Variants in FAM222B observed in about 807,000 individuals in gnomAD.
FAM222B encodes the protein family with sequence similarity 222 member B.
FAM222B carries 12 observed loss-of-function variants against 38.0 expected under a neutral mutation model. The ratio of observed to expected loss-of-function variants is 0.32; its 90% CI spans 0.20 to 0.51. The LOEUF is 0.51. Ranked by LOEUF, FAM222B falls within the 20% of genes least tolerant of loss-of-function variation. The probability of loss-of-function intolerance (pLI) is 0.97; values close to 1 mark genes in which losing one functional copy is unlikely to be tolerated. For synonymous variants in FAM222B, 329 were observed against 317.2 expected (o/e 1.04, Z -0.40); for missense variants, 716 against 754.2 (o/e 0.95, Z 0.59).
intron 1 of FAM222B, among the ~76,000 whole-genome samples, chr17:28,768,836 C>CAAAAA (rs71359249): frequency 5.6e-5 from 4 of 70,870 alleles, no homozygotes; most frequent in East Asian, 4.4e-4. Flanking sequence ...AACTCTGTCT[C>CAAAAA]AAAAAAAAAA....
chr17:28,768,394 A>G (rs1188040141), intron 1 of FAM222B, among the ~76,000 whole-genome samples: 1 of 152,216 alleles, frequency 6.6e-6, no homozygotes, highest in East Asian at 1.9e-4. Context: ...TGTGTCTAAG[A>G]TAGCAACTGC....
chr17:28,761,515 C>A (rs982294939), intron 2 of FAM222B, among the ~76,000 whole-genome samples: 3 of 152,168 alleles, frequency 2.0e-5, no homozygotes, highest in African/African-American at 7.2e-5. Flanking sequence ...GTGGCCTTGG[C>A]CCAAAGGAGA....
intron 1 of FAM222B, among the ~76,000 whole-genome samples, chr17:28,777,729 C>T (rs2035957290): frequency 6.6e-6 from 1 of 151,798 alleles, no homozygotes; most frequent in East Asian, 1.9e-4. Flanking sequence ...TGTGTGTGTA[C>T]AGGTAACTTT....
At chr17:28,776,144 G>A (rs1453740313) in intron 1 of FAM222B, among the ~76,000 whole-genome samples, 13 of 150,082 alleles carry the variant, frequency 8.7e-5, no homozygotes, top group South Asian at 6.3e-4. Flanking sequence ...AGGCTGAGGC[G>A]GGCGTATCAT....
At chr17:28,787,168 C>T (rs1050735529) in intron 1 of FAM222B, among the ~76,000 whole-genome samples, 1 of 152,066 alleles carries the variant, frequency 6.6e-6, no homozygotes, top group Non-Finnish European at 1.5e-5. Flanking sequence ...TCGTGATCCA[C>T]CCTCCTCGGC....
intron 1 of FAM222B, chr17:28,802,627 T>G (rs752762917): frequency 1.2e-5 from 2 of 172,190 alleles, no homozygotes; most frequent in Non-Finnish European, 2.6e-5. Context: ...GGACCCCAGA[T>G]GCACACATTG....
intron 1 of FAM222B, among the ~76,000 whole-genome samples, chr17:28,837,918 GCTA>G (rs1388537938): frequency 6.6e-6 from 1 of 152,128 alleles, no homozygotes; most frequent in Non-Finnish European, 1.5e-5. Context: ...CTCCCAAAGT[GCTA>G]GGATTACAGG....
intron 1 of FAM222B, among the ~76,000 whole-genome samples, chr17:28,828,558 ACT>A (rs1351496210): frequency 3.4e-5 from 5 of 147,608 alleles, no homozygotes; most frequent in South Asian, 4.4e-4. Context: ...TACAGAGAAG[ACT>A]CTGTCACGAA....
intron 1 of FAM222B, among the ~76,000 whole-genome samples, chr17:28,795,314 T>C (rs972031219): frequency 1.2e-4 from 18 of 151,908 alleles, no homozygotes; most frequent in Admixed American, 9.8e-4. Flanking sequence ...CCAGTTAACT[T>C]TTGTATTTTT....
intron 1 of FAM222B, among the ~76,000 whole-genome samples, chr17:28,833,612 CAAAAAAA>C (rs370065990): frequency 2.7e-5 from 2 of 73,208 alleles, no homozygotes; most frequent in Non-Finnish European, 2.7e-5. Flanking sequence ...GACTTTGTCT[CAAAAAAA>C]AAAAAAAAAA....
In FAM222B at chr17:28,780,197, C is replaced by T. The variant is rs189647600; in HGVS notation, c.-40-13490G>A. The stretch of plus-strand genomic sequence containing the variant: ...ATACTGGCCAGGATGGTCTCGATCT[C>T]CTGACCTCATGATCTATCCGCCTCA... On this transcript the variant is annotated intron_variant, in intron 1 of 2. Transcript: ENST00000581407. Among the ~76,000 whole-genome samples, 755 of 152,074 alleles carry T rather than the reference C, an allele frequency of 5.0e-3. 4 individuals are homozygous for T. Among genetic ancestry groups the T allele is most frequent in the African/African-American group, 0.017 (708 of 41,508 alleles).
chr17:28,849,242 C>G (rs1489749355), intron 1 of FAM222B: 1 of 144,196 alleles, frequency 6.9e-6, no homozygotes, highest in East Asian at 2.0e-4. Flanking sequence ...GCCTGGGAGA[C>G]AGCGAGACTC....
At chr17:28,780,934 A>G (rs1355577268) in intron 1 of FAM222B, among the ~76,000 whole-genome samples, 1 of 152,062 alleles carries the variant, frequency 6.6e-6, no homozygotes, top group Non-Finnish European at 1.5e-5. Context: ...ATCTACAGGG[A>G]GAGAGAAAAT....
intron 1 of FAM222B, among the ~76,000 whole-genome samples, chr17:28,834,559 CCTT>C (rs1475260273): frequency 2.6e-5 from 4 of 152,100 alleles, no homozygotes; most frequent in African/African-American, 7.2e-5. Flanking sequence ...TTGTATTCCT[CCTT>C]CAAGACCCAA....
chr17:28,852,891 T>C (rs1398093641), intron 1 of FAM222B, among the ~76,000 whole-genome samples: 6 of 151,908 alleles, frequency 3.9e-5, no homozygotes, highest in African/African-American at 1.5e-4. Flanking sequence ...ACTCTGTCTC[T>C]GCAAAAGATT....
intron 1 of FAM222B, among the ~76,000 whole-genome samples, chr17:28,824,080 T>G (rs1433706471): frequency 6.6e-6 from 1 of 152,074 alleles, no homozygotes; most frequent in Non-Finnish European, 1.5e-5. Flanking sequence ...GGTTTCACCG[T>G]GTTAGCCAGG....
At chr17:28,773,730 G>A (rs933294758) in intron 1 of FAM222B, among the ~76,000 whole-genome samples, 7 of 151,870 alleles carry the variant, frequency 4.6e-5, no homozygotes, top group African/African-American at 1.7e-4. Flanking sequence ...TCCAGAAGGC[G>A]GAGGTTGCAG....
At chr17:28,806,003 C>T (rs1043962208) in intron 1 of FAM222B, among the ~76,000 whole-genome samples, 1 of 151,990 alleles carries the variant, frequency 6.6e-6, no homozygotes, top group African/African-American at 2.4e-5. Context: ...TAGCTGGGCA[C>T]ATGGTGCATG....
At position 28,759,128 on chromosome 17, in the gene FAM222B, C is replaced by G. The variant is rs1283300259; in HGVS notation, c.831G>C (p.Gln277His). ...AGGTAGTGCTGATGCCTGCCCTCGTCTGGCAAAACTGGTTGATCTGGTGCA... is the reference window on the plus strand; with the variant it reads ...AGGTAGTGCTGATGCCTGCCCTCGTGTGGCAAAACTGGTTGATCTGGTGCA... ...SIVHQINQFC[Q>H]TRAGISTTSV... The change falls in exon 3 of 3, where the codon CAG becomes CAC. Residue 277 changes from glutamine (Q) to histidine (H), a missense_variant. Coordinates refer to ENST00000581407, the MANE Select transcript of FAM222B (RefSeq NM_001077498.3). This position sits in a 1 kb window ranked among gnomAD's most constrained non-coding sequence, Gnocchi z 4.8. 3 of 1,611,846 alleles carry G rather than the reference C, an allele frequency of 1.9e-6. No individual in the cohort carries two copies. Among genetic ancestry groups the G allele is most frequent in the Non-Finnish European group, 2.5e-6 (3 of 1,179,130 alleles).
Sources: allele counts gnomAD v4.1 joint callset (sites outside exome capture counted in the v4.1 genomes callset), GRCh38; gene constraint gnomAD v4.1.1; non-coding constraint Gnocchi (gnomAD v3.1); transcripts MANE v1.5; gene names NCBI Gene and HGNC (gene_info 2026-07-23, HGNC 2026-07-21).